KDM5B: variants seen among roughly 807,000 people sequenced by gnomAD.
KDM5B encodes the protein lysine demethylase 5B, also known as lysine-specific demethylase 5B.
KDM5B carries 144 observed loss-of-function variants against 193.4 expected under a neutral mutation model. The observed-to-expected ratio is 0.74, with a 90% CI of 0.65 to 0.86. The LOEUF (loss-of-function observed/expected upper bound fraction) is 0.86. KDM5B is among the 40% of genes least tolerant of loss of function. KDM5B has a pLI of 0.00. For synonymous variants in KDM5B, 668 were observed against 682.6 expected (o/e 0.98, Z 0.33); for missense variants, 1,833 against 1,886.9 (o/e 0.97, Z 0.53).
intron 1 of KDM5B, among the ~76,000 whole-genome samples, chr1:202,791,137 T>C (rs1468864626): frequency 1.3e-5 from 2 of 152,200 alleles, no homozygotes; most frequent in South Asian, 4.1e-4. Context: ...TGTGTGACTG[T>C]AGTAGCGCTG....
At chr1:202,807,692 G>A (rs953573256) in intron 1 of KDM5B, among the ~76,000 whole-genome samples, 4 of 140,278 alleles carry the variant, frequency 2.9e-5, no homozygotes, top group Non-Finnish European at 6.1e-5. Flanking sequence ...CGGGAGCGGA[G>A]GCGAGGACCA....
intron 11 of KDM5B, among the ~76,000 whole-genome samples, chr1:202,753,664 G>GTTGTT (rs1553354252): frequency 1.3e-4 from 14 of 105,818 alleles, no homozygotes; most frequent in Non-Finnish European, 1.4e-4. Flanking sequence ...TGTTGTTGTT[G>GTTGTT]TTTTTTTTTT....
At chr1:202,759,992 C>T (rs1355720414) in intron 8 of KDM5B, among the ~76,000 whole-genome samples, 3 of 152,182 alleles carry the variant, frequency 2.0e-5, no homozygotes, top group Non-Finnish European at 2.9e-5. Context: ...CTTCATGGGC[C>T]TCATTACTGT....
rs773412701 is a variant in KDM5B, at chr1:202,729,989, A to T, written c.4215T>A (p.Ser1405Arg). 6.2e-7 allele frequency: 1 copy of T among 1,613,190 alleles called. No individual in the cohort carries two copies. The highest frequency in any genetic ancestry group is 8.5e-7 in the Non-Finnish European group (1 of 1,179,742). Residue 1405 changes from serine to arginine, a missense_variant, in exon 26 of 27, where the codon AGT (serine) becomes AGA (arginine). By Grantham distance (110) the Ser-to-Arg change is moderately radical. This residue lies in a region of KDM5B where 1,379 missense variants were observed against 1,349.6 expected (regional missense o/e 1.02). Transcript: ENST00000367265. ...GGCGTCTCTTCAGTTTTCTCTCAAG[A>T]CTGTTAATTCCATCTCGCTTCCCTC... is the stretch of plus-strand genomic sequence containing the variant. ...CCRGKRDGIN[S>R]LERKLKRRLE...
In KDM5B at chr1:202,740,013, G is replaced by A. The variant is rs568611340; in HGVS notation, c.3084+661C>T. On this transcript the variant is annotated intron_variant, in intron 20 of 26. Coordinates refer to ENST00000367265, the MANE Select transcript of KDM5B (RefSeq NM_006618.5). ...GGTACACCTCCCAGACGGGGTGGTG[G>A]CCGGGCAGAGGAGCTCCTCACATCC... 5.9e-5 allele frequency among the ~76,000 whole-genome samples: 9 copies of A among 152,316 alleles called. No homozygotes were observed. In the South Asian group the frequency reaches 1.0e-3, roughly 18 times the overall value.
At chr1:202,737,928 C>T (rs576130357) in intron 20 of KDM5B, among the ~76,000 whole-genome samples, 8 of 152,320 alleles carry the variant, frequency 5.3e-5, no homozygotes, top group African/African-American at 1.9e-4. Flanking sequence ...TTTATTCTTA[C>T]AGAATTAAAT....
At chr1:202,777,609 C>G (rs960619190) in intron 1 of KDM5B, among the ~76,000 whole-genome samples, 1 of 152,022 alleles carries the variant, frequency 6.6e-6, no homozygotes, top group Non-Finnish European at 1.5e-5. Flanking sequence ...TCTTCCACCT[C>G]AGCCTCCCAA....
At chr1:202,750,562 A>G in intron 13 of KDM5B, 97 bp downstream of exon 13, 1 of 1,336,304 alleles carries the variant, frequency 7.5e-7, no homozygotes, top group Non-Finnish European at 1.0e-6. Context: ...GGCATGAGCT[A>G]CCGCACCCAG....
chr1:202,730,222 CT>C (rs1324410046), intron 25 of KDM5B, among the ~76,000 whole-genome samples, 195 bp from the exon 26 acceptor site: 1 of 152,180 alleles, frequency 6.6e-6, no homozygotes, highest in African/African-American at 2.4e-5. Flanking sequence ...CTTCCTTCCC[CT>C]ATCACTGTTA....
At position 202,731,915 on chromosome 1, in the gene KDM5B, ATGT is replaced by A. The variant is rs1271900569; in HGVS notation, c.3931_3933del (p.Thr1311del). On this transcript the variant is annotated inframe_deletion, in exon 24 of 27. Coordinates refer to ENST00000367265, the MANE Select transcript of KDM5B (RefSeq NM_006618.5). ...TCCCAGTCATCAGGCAAAGAAAATG[ATGT>A]TGTGCCAGGAGGTTGAGATACCTAA... The A allele has an allele frequency of 1.9e-6, 3 of 1,613,122 alleles. No individual in the cohort carries two copies. Among genetic ancestry groups the A allele is most frequent in the Non-Finnish European group, 1.7e-6 (2 of 1,179,588 alleles).
At chr1:202,730,647 C>A (rs983863847) in intron 25 of KDM5B, among the ~76,000 whole-genome samples, 12 of 152,122 alleles carry the variant, frequency 7.9e-5, no homozygotes, top group Non-Finnish European at 1.6e-4. Flanking sequence ...GATTTCTATC[C>A]TAACTATATT....
At chr1:202,789,474 GA>G (rs1657548110) in intron 1 of KDM5B, among the ~76,000 whole-genome samples, 1 of 148,486 alleles carries the variant, frequency 6.7e-6, no homozygotes, top group African/African-American at 2.5e-5. Flanking sequence ...AGTGAGCCGA[GA>G]CAAGTGAACT....
intron 4 of KDM5B, among the ~76,000 whole-genome samples, chr1:202,767,658 C>A (rs990538147): frequency 7.2e-5 from 11 of 152,072 alleles, no homozygotes; most frequent in African/African-American, 2.4e-4. Flanking sequence ...GACAAGTCTG[C>A]AGTTACCAAC....
At position 202,762,757 on chromosome 1, in the gene KDM5B, T is replaced by G; in HGVS notation, c.860A>C (p.Tyr287Ser). Residue 287 changes from tyrosine to serine, a missense_variant, in exon 7 of 27, where the codon TAT becomes TCT. By Grantham distance (144) the Tyr-to-Ser change is moderately radical (BLOSUM62 -2). Around this residue, in one of 3 missense-constraint regions of KDM5B, gnomAD observed 355 missense variants for 374.9 expected, o/e 0.95. Transcript: ENST00000367265. ...IKQEPIERKD[Y>S]IVENEKEKPK... Reference sequence around the variant, plus strand: ...CTTTTCCTTCTCATTTTCTACAATATAATCTTTCCTCTCAATAGGTTCTTG... The same window carrying G: ...CTTTTCCTTCTCATTTTCTACAATAGAATCTTTCCTCTCAATAGGTTCTTG... 6.2e-7 allele frequency: 1 copy of G among 1,612,568 alleles called. No homozygotes were observed. Among genetic ancestry groups the G allele is most frequent in the Non-Finnish European group, 8.5e-7 (1 of 1,178,616 alleles).
rs200000027 is a variant in KDM5B at position 202,730,977 on chromosome 1, A to C, written c.4108T>G (p.Leu1370Val). 1.3e-4 allele frequency: 217 copies of C among 1,613,856 alleles called. 1 individual carries two copies. The highest frequency in any genetic ancestry group is 1.6e-4 in the Middle Eastern group (1 of 6,062). ...LPEIQELYQTLLAKPSPAQQT... is the reference protein window; with the variant it reads ...LPEIQELYQTVLAKPSPAQQT... Reference sequence around the variant, plus strand: ...TGAGCAGGGCTTGGCTTTGCAAGTAAAGTCTGGTAAAGTTCCTGAATTTCA... The same window carrying C: ...TGAGCAGGGCTTGGCTTTGCAAGTACAGTCTGGTAAAGTTCCTGAATTTCA... The change falls in exon 25 of 27, where the codon TTA (leucine) becomes GTA (valine). Residue 1370 changes from leucine to valine, a missense_variant. By Grantham distance (32) the Leu-to-Val change is conservative (BLOSUM62 1). This residue lies in a region of KDM5B where 1,379 missense variants were observed against 1,349.6 expected (regional missense o/e 1.02). Coordinates refer to ENST00000367265, the MANE Select transcript of KDM5B (RefSeq NM_006618.5).
At chr1:202,740,154 G>T (rs1167649696) in intron 20 of KDM5B, among the ~76,000 whole-genome samples, 6 of 147,510 alleles carry the variant, frequency 4.1e-5, no homozygotes, top group African/African-American at 1.5e-4. Context: ...GGGCAGAGGG[G>T]CTCCTCACTT....
chr1:202,760,204 C>T (rs896034331), intron 8 of KDM5B, among the ~76,000 whole-genome samples: 24 of 56,436 alleles, frequency 4.3e-4, no homozygotes, highest in African/African-American at 8.4e-4. Context: ...GTCCCAGCTA[C>T]GTGGGGGGGG....
At chr1:202,775,871 AAAAAAAAAATATAT>A (rs1390476579) in intron 2 of KDM5B, among the ~76,000 whole-genome samples, 1 of 128,178 alleles carries the variant, frequency 7.8e-6, no homozygotes, top group Admixed American at 9.1e-5. Flanking sequence ...AAAAAAAAAA[AAAAAAAAAATATAT>A]ATATATATAT....
intron 1 of KDM5B, among the ~76,000 whole-genome samples, chr1:202,798,484 G>A (rs548170565): frequency 1.3e-5 from 2 of 151,864 alleles, no homozygotes; most frequent in South Asian, 2.1e-4. Context: ...GTTGCGGGGT[G>A]CGGTTTGCCT....
Sources: allele counts gnomAD v4.1 joint callset (sites outside exome capture counted in the v4.1 genomes callset), GRCh38; gene constraint gnomAD v4.1.1; regional missense constraint gnomAD v4.1.1; transcripts MANE v1.5; gene names NCBI Gene and HGNC (gene_info 2026-07-23, HGNC 2026-07-21).